The following UPP2 variants were observed in gnomAD, a reference collection of about 807,000 sequenced individuals.
UPP2 encodes UPase 2.
In UPP2, 23 loss-of-function variants were observed where a neutral mutation model predicts 26.7. The observed-to-expected ratio is 0.86, with a 90% confidence interval of 0.62 to 1.22. The LOEUF (loss-of-function observed/expected upper bound fraction) is 1.22, where lower values mean the gene tolerates loss of function less well. UPP2 is among the 50% of genes most tolerant of loss of function. The probability of loss-of-function intolerance (pLI) is 0.00; values close to 1 mark genes in which losing one functional copy is unlikely to be tolerated. For synonymous variants in UPP2, 127 were observed against 141.3 expected (o/e 0.90, Z 0.72); for missense variants, 387 against 396.7 (o/e 0.98, Z 0.21).
At chr2:158,062,141 A>G (rs1682362223) in intron 3 of UPP2, among the ~76,000 whole-genome samples, 1 of 152,200 alleles carries the variant, frequency 6.6e-6, no homozygotes, top group African/African-American at 2.4e-5. Flanking sequence ...TTTACGGAAA[A>G]GTTTGCTGAC....
chr2:158,127,993 A>C (rs1195124580), intron 6 of UPP2: 1 of 985,396 alleles, frequency 1.0e-6, no homozygotes, highest in Non-Finnish European at 1.2e-6. Flanking sequence ...AGCCCCAAAC[A>C]TTCTGATGAA....
At chr2:158,062,565 T>C (rs1434480739) in intron 3 of UPP2, among the ~76,000 whole-genome samples, 2 of 152,192 alleles carry the variant, frequency 1.3e-5, no homozygotes, top group African/African-American at 4.8e-5. Context: ...AGGTTTAATG[T>C]CCAGCACTAT....
At chr2:158,019,700 G>A (rs1486041030) in intron 3 of UPP2, among the ~76,000 whole-genome samples, 1 of 151,712 alleles carries the variant, frequency 6.6e-6, no homozygotes, top group Non-Finnish European at 1.5e-5. Context: ...GAAAGACAGA[G>A]AGAGAGAGAG....
intron 6 of UPP2, among the ~76,000 whole-genome samples, 194 bp downstream of exon 6, chr2:158,124,089 A>G (rs572529313): frequency 6.6e-6 from 1 of 152,340 alleles, no homozygotes; most frequent in South Asian, 2.1e-4. Context: ...GCAAATAAGG[A>G]AACTAAACCT....
intron 3 of UPP2, chr2:158,065,619 C>G: frequency 1.7e-6 from 1 of 578,300 alleles, no homozygotes; most frequent in Non-Finnish European, 3.3e-6. Flanking sequence ...ACACACAACC[C>G]AACCAATGTG....
intron 3 of UPP2, among the ~76,000 whole-genome samples, chr2:158,048,703 T>C (rs952604237): frequency 4.6e-5 from 7 of 152,338 alleles, no homozygotes; most frequent in African/African-American, 1.7e-4. Context: ...CTCTTCTAAG[T>C]TAAACAAGTG....
In UPP2 at chr2:158,026,241, G is replaced by A. The variant is rs142482006; in HGVS notation, c.147+10355G>A. ...TCTCTTATCCTCGCAGAGCAGCATC[G>A]GGGGCTGAAAATTCCCAGAGCATTA... On this transcript the variant is annotated intron_variant, in intron 3 of 9. Transcript: ENST00000605860. 3.9e-3 allele frequency among the ~76,000 whole-genome samples: 588 copies of A among 152,140 alleles called. 5 individuals are homozygous for A. The highest frequency in any genetic ancestry group is 0.014 in the African/African-American group (561 of 41,508).
chr2:158,054,102 C>G (rs547991145), intron 3 of UPP2, among the ~76,000 whole-genome samples: 2 of 152,204 alleles, frequency 1.3e-5, no homozygotes, highest in African/African-American at 4.8e-5. Context: ...GAAACCCCGT[C>G]TCTACTAAAA....
At chr2:158,003,442 T>G (rs1189739133) in intron 2 of UPP2, among the ~76,000 whole-genome samples, 1 of 152,118 alleles carries the variant, frequency 6.6e-6, no homozygotes, top group African/African-American at 2.4e-5. Flanking sequence ...GCAGGGTGGC[T>G]CATGCCTGTA....
At chr2:158,113,683 A>G (rs1683364751) in intron 2 of UPP2, among the ~76,000 whole-genome samples, 1 of 152,224 alleles carries the variant, frequency 6.6e-6, no homozygotes, top group Non-Finnish European at 1.5e-5. Context: ...TCATTTGTGA[A>G]TGGGGCCGCC....
intron 2 of UPP2, among the ~76,000 whole-genome samples, chr2:158,000,192 C>T (rs1053577066): frequency 6.6e-6 from 1 of 151,840 alleles, no homozygotes; most frequent in African/African-American, 2.4e-5. Context: ...AAGTGATTCT[C>T]CTGCCTCTGG....
intron 2 of UPP2, among the ~76,000 whole-genome samples, chr2:158,114,525 C>A (rs748424681): frequency 1.2e-4 from 18 of 152,310 alleles, no homozygotes; most frequent in Middle Eastern, 3.4e-3. Flanking sequence ...TGAAATGCCA[C>A]AGGGAGATCC....
chr2:158,080,675 C>T (rs914671245), intron 3 of UPP2, among the ~76,000 whole-genome samples: 10 of 152,106 alleles, frequency 6.6e-5, no homozygotes, highest in South Asian at 2.1e-4. Context: ...ACTGGCCAAA[C>T]GTTGGAAATA....
intron 2 of UPP2, among the ~76,000 whole-genome samples, chr2:157,997,753 T>A (rs1328356176): frequency 6.6e-6 from 1 of 152,210 alleles, no homozygotes; most frequent in African/African-American, 2.4e-5. Context: ...GGGTGTGTGA[T>A]GAGGCATTTA....
At chr2:158,115,523 T>C (rs1400649085) in intron 3 of UPP2, among the ~76,000 whole-genome samples, 4 of 152,182 alleles carry the variant, frequency 2.6e-5, no homozygotes, top group African/African-American at 7.2e-5. Context: ...ACTTTGTAAC[T>C]GGTTAACACC....
chr2:158,048,479 C>T (rs1682085402), intron 3 of UPP2, among the ~76,000 whole-genome samples: 3 of 152,192 alleles, frequency 2.0e-5, no homozygotes, highest in African/African-American at 7.2e-5. Flanking sequence ...TGCCATGCAC[C>T]TGTGGTCCCA....
intron 3 of UPP2, among the ~76,000 whole-genome samples, chr2:158,057,890 A>G (rs545428977): frequency 6.2e-4 from 95 of 152,146 alleles, no homozygotes; most frequent in Admixed American, 1.1e-3. Context: ...TTGAAGCCCT[A>G]AACTCCAATA....
intron 3 of UPP2, among the ~76,000 whole-genome samples, chr2:158,094,526 T>C (rs1454037243): frequency 2.4e-4 from 36 of 152,226 alleles, no homozygotes; most frequent in Non-Finnish European, 1.5e-5. Flanking sequence ...GAAATGTCAA[T>C]GTGACCATGA....
chr2:158,123,749 G>A lies in UPP2; in HGVS notation c.665G>A (p.Gly222Asp), dbSNP rs1355225790. Residue 222 changes from glycine (G) to aspartate (D), a missense_variant and splice_region_variant, in exon 6 of 7, where the codon GGC (glycine) becomes GAC (aspartate). Transcript: ENST00000005756. Reference sequence around the variant, plus strand: ...CTAAACGTTCTCCCCTCCCTTTCAGGCCAAGGCCGACTAGATGGAGCACTG... The same window carrying A: ...CTAAACGTTCTCCCCTCCCTTTCAGACCAAGGCCGACTAGATGGAGCACTG... The part of the protein sequence containing the change: ...HTMCTYDFYE[G>D]QGRLDGALCS... 5 of 1,613,382 alleles carry A rather than the reference G, an allele frequency of 3.1e-6. No homozygotes were observed. Among genetic ancestry groups the A allele is most frequent in the Admixed American group, 1.7e-5 (1 of 59,960 alleles).
Sources: allele counts gnomAD v4.1 joint callset (sites outside exome capture counted in the v4.1 genomes callset), GRCh38; gene constraint gnomAD v4.1.1; transcripts MANE v1.5; gene names NCBI Gene and HGNC (gene_info 2026-07-23, HGNC 2026-07-21).